SPOCD1: variants seen among roughly 807,000 people sequenced by gnomAD.
SPOCD1 encodes SPOC domain containing 1, also known as SPOC domain-containing protein 1.
SPOCD1 carries 64 observed loss-of-function variants against 92.2 expected under a neutral mutation model. The observed-to-expected ratio is 0.69, with a 90% CI of 0.57 to 0.86. The LOEUF is 0.86. SPOCD1 is among the 40% of genes least tolerant of loss of function. The probability of loss-of-function intolerance (pLI) is 0.00; values close to 1 mark genes in which losing one functional copy is unlikely to be tolerated. For synonymous variants in SPOCD1, 578 were observed against 619.3 expected, an observed-to-expected ratio of 0.93 and a Z score of 0.99; for missense variants, 1,360 against 1,543.1, an observed-to-expected ratio of 0.88 and a Z score of 1.99.
At chr1:31,799,728 G>A (rs1469288210) in intron 6 of SPOCD1, 81 bp downstream of exon 6, 1 of 1,496,706 alleles carries the variant, frequency 6.7e-7, no homozygotes, top group South Asian at 1.1e-5. Context: ...AGCAGGGGCT[G>A]GGCCCAGGAG....
intron 9 of SPOCD1, among the ~76,000 whole-genome samples, chr1:31,797,933 C>T (rs962100367): frequency 3.9e-5 from 6 of 152,146 alleles, no homozygotes; most frequent in African/African-American, 1.2e-4. Context: ...CTCTCCCAAG[C>T]CCCCCACCCC....
chr1:31,812,402 T>C (rs1460418743), intron 2 of SPOCD1, among the ~76,000 whole-genome samples: 1 of 152,088 alleles, frequency 6.6e-6, no homozygotes, highest in Non-Finnish European at 1.5e-5. Context: ...GATGCAGGGC[T>C]CAGGAAAAGA....
At chr1:31,815,695 G>C (rs986050811) in intron 1 of SPOCD1, 1 of 154,758 alleles carries the variant, frequency 6.5e-6, no homozygotes, top group Admixed American at 7.0e-5. Flanking sequence ...ATTTCATACT[G>C]GCAGCCACAG....
At chr1:31,809,023 T>C (rs1183444703) in intron 2 of SPOCD1, among the ~76,000 whole-genome samples, 2 of 152,136 alleles carry the variant, frequency 1.3e-5, no homozygotes, top group Non-Finnish European at 2.9e-5. Flanking sequence ...ACTCCGTCTC[T>C]ACTAAAAATA....
chr1:31,801,676 C>T lies in SPOCD1; in HGVS notation c.1413G>A (p.Lys471=). The part of the protein sequence containing the change: ...LEEVKIPHGV[K]LVCYLGSGPV... ...TGTAAAAACCTACGTAGCACACAAGCTTCACTCCATGGGGTATTTTCACTT... is the reference window on the plus strand; with the variant it reads ...TGTAAAAACCTACGTAGCACACAAGTTTCACTCCATGGGGTATTTTCACTT... The change falls in exon 3 of 16, where the codon AAG becomes AAA. Residue 471 remains lysine, a synonymous_variant. Coordinates refer to ENST00000360482, the MANE Select transcript of SPOCD1 (RefSeq NM_144569.7). 6.2e-7 allele frequency: 1 copy of T among 1,613,934 alleles called. No individual in the cohort carries two copies. The highest frequency in any genetic ancestry group is 2.2e-5 in the East Asian group (1 of 44,876).
Position 31,798,334 on chromosome 1 carries a change from C to T in SPOCD1, c.2029-11G>A, listed in dbSNP as rs760275131. On this transcript the variant is annotated splice_polypyrimidine_tract_variant and intron_variant, in intron 8 of 15. Transcript: ENST00000360482. This position sits in a 1 kb window ranked among gnomAD's most constrained non-coding sequence, Gnocchi z 4.1. ...TTTGAGAAACAAGTCCTGGTGGGGG[C>T]AGGGGGCAGGGCTGCACCACACGCT... 11 of 1,608,458 alleles carry T rather than the reference C, an allele frequency of 6.8e-6. No homozygotes were observed. In the South Asian group the frequency reaches 1.1e-4, roughly 16 times the overall value.
intron 2 of SPOCD1, among the ~76,000 whole-genome samples, chr1:31,813,710 A>G (rs1330866485): frequency 6.6e-6 from 1 of 152,224 alleles, no homozygotes; most frequent in Admixed American, 6.5e-5. Context: ...GGCAGAGGCA[A>G]AATTCGAACC....
chr1:31,791,199 C>T lies in SPOCD1; in HGVS notation c.3055G>A (p.Gly1019Arg). Residue 1019 changes from glycine (G) to arginine (R), a missense_variant, in exon 16 of 16, where the codon GGG (glycine) becomes AGG (arginine). This residue lies in a region of SPOCD1 where 614 missense variants were observed against 757.8 expected (regional missense o/e 0.81). Coordinates refer to ENST00000360482, the MANE Select transcript of SPOCD1 (RefSeq NM_144569.7). The stretch of plus-strand genomic sequence containing the variant: ...CTGGACCCTGCTGTGTCTGGAAGCC[C>T]TTCCTTGGGGAGCAGCACAGCCAGC... ...LLLAVLLPKEGLPDTAGSSPW... is the reference protein window; with the variant it reads ...LLLAVLLPKERLPDTAGSSPW... 1.2e-6 allele frequency: 2 copies of T among 1,610,384 alleles called. No individual in the cohort carries two copies.
Position 31,792,334 on chromosome 1 carries a change from G to C in SPOCD1, c.2843C>G (p.Ser948Ter). 6.2e-7 allele frequency: 1 copy of C among 1,614,064 alleles called. No individual in the cohort carries two copies. The highest frequency in any genetic ancestry group is 8.5e-7 in the Non-Finnish European group (1 of 1,180,028). The change falls in exon 15 of 16, where the codon TCA becomes TGA. Residue 948 changes from serine (S) to a stop codon, truncating the protein, a stop_gained. Coordinates refer to ENST00000360482, the MANE Select transcript of SPOCD1 (RefSeq NM_144569.7). LOFTEE classifies it high-confidence loss of function. ...GTGGCGCTGCCTATCATTGAGGTATGAGTAGAGCAGGCGGCAGTTCTGGGT... is the reference window on the plus strand; with the variant it reads ...GTGGCGCTGCCTATCATTGAGGTATCAGTAGAGCAGGCGGCAGTTCTGGGT... ...RDTQNCRLLY[S>*]YLNDRQRHGL...
At chr1:31,804,985 C>CTTTTTTTTTT (rs1207433481) in intron 2 of SPOCD1, among the ~76,000 whole-genome samples, 38,413 of 102,864 alleles carry the variant, frequency 0.37, 8,030 homozygotes, top group Non-Finnish European at 0.45. Flanking sequence ...TTCTTTCTTT[C>CTTTTTTTTTT]TTTTTTTTTT....
intron 2 of SPOCD1, among the ~76,000 whole-genome samples, chr1:31,808,292 T>C (rs572182858): frequency 1.3e-5 from 2 of 151,952 alleles, no homozygotes; most frequent in South Asian, 4.1e-4. Flanking sequence ...CCAAATTGGG[T>C]TTGTTCCAGC....
chr1:31,790,983 T>TG lies in SPOCD1; in HGVS notation c.3270dup (p.Arg1091GlnfsTer11). The TG allele has an allele frequency of 6.3e-7, 1 of 1,581,588 alleles. No homozygotes were observed. ...TCTGGCCAGAGCCTCCCCCTGCCTC[T>TG]GGGGGGCCTCTGCCAAGCAGAGATT... On this transcript the variant is annotated frameshift_variant, in exon 16 of 16. Transcript: ENST00000360482. LOFTEE classifies it low-confidence loss of function (END_TRUNC).
intron 2 of SPOCD1, among the ~76,000 whole-genome samples, chr1:31,809,479 G>A (rs963197273): frequency 1.3e-5 from 2 of 151,304 alleles, no homozygotes; most frequent in African/African-American, 4.9e-5. Flanking sequence ...TACCCCATAT[G>A]TACCAAAAAC....
At chr1:31,792,797 C>T (rs754222549) in intron 13 of SPOCD1, 30 bp from the exon 14 acceptor site, 2 of 1,536,624 alleles carry the variant, frequency 1.3e-6, no homozygotes, top group Non-Finnish European at 8.9e-7. Flanking sequence ...CCAGTCAGCT[C>T]CCCAGCTTCC....
At chr1:31,796,103 G>A (rs369158848) in intron 10 of SPOCD1, 24 of 244,340 alleles carry the variant, frequency 9.8e-5, no homozygotes, top group Non-Finnish European at 1.7e-4. Context: ...TGTCACTCCC[G>A]TTGGCTTCCC....
Position 31,799,877 on chromosome 1 carries a change from G to T in SPOCD1, c.1729-14C>A, listed in dbSNP as rs376730207. On this transcript the variant is annotated splice_polypyrimidine_tract_variant and intron_variant, in intron 5 of 15. Transcript: ENST00000360482. ...CATTGGGCCACTCTGTAGGGGAGGC[G>T]TGAGGAATTGAGGCTGTGCTGGTGG... 6.2e-7 allele frequency: 1 copy of T among 1,614,114 alleles called. No individual in the cohort carries two copies. Among genetic ancestry groups the T allele is most frequent in the Non-Finnish European group, 8.5e-7 (1 of 1,179,994 alleles).
At position 31,814,487 on chromosome 1, in the gene SPOCD1, C is replaced by G; in HGVS notation, c.847G>C (p.Glu283Gln). 1 of 1,568,232 alleles carries G rather than the reference C, an allele frequency of 6.4e-7. No homozygotes were observed. The highest frequency in any genetic ancestry group is 1.2e-5 in the South Asian group (1 of 84,722). Residue 283 changes from glutamate to glutamine, a missense_variant, in exon 2 of 16, where the codon GAG becomes CAG. This residue lies in a region of SPOCD1 where 606 missense variants were observed against 601.5 expected (regional missense o/e 1.01). Coordinates refer to ENST00000360482, the MANE Select transcript of SPOCD1 (RefSeq NM_144569.7). This position sits in a 1 kb window ranked among gnomAD's most constrained non-coding sequence, Gnocchi z 4.2. ...GSGAGCASGT[E>Q]KFGYLPATGD... ...GTAGCGGGCAAATATCCAAATTTCT[C>G]AGTCCCTGAGGCACATCCTGCCCCA...
Position 31,799,999 on chromosome 1 carries a change from G to C in SPOCD1, c.1728+17C>G. 4 of 1,611,276 alleles carry C rather than the reference G, an allele frequency of 2.5e-6. No individual in the cohort carries two copies. The highest frequency in any genetic ancestry group is 3.4e-6 in the Non-Finnish European group (4 of 1,178,536). ...GCTCCAGTGAAGGAGGCACATGGCC[G>C]GGGCAGAACAACTTGCCTGGGAACA... On this transcript the variant is annotated intron_variant, in intron 5 of 15. Transcript: ENST00000360482.
intron 10 of SPOCD1, chr1:31,795,183 T>C (rs1427470409): frequency 2.0e-5 from 3 of 152,242 alleles, no homozygotes; most frequent in African/African-American, 7.2e-5. Context: ...TCACTTTTTT[T>C]CCTCATACTA....
Sources: allele counts gnomAD v4.1 joint callset (sites outside exome capture counted in the v4.1 genomes callset), GRCh38; gene constraint gnomAD v4.1.1; regional missense constraint gnomAD v4.1.1; non-coding constraint Gnocchi (gnomAD v3.1); transcripts MANE v1.5; gene names NCBI Gene and HGNC (gene_info 2026-07-23, HGNC 2026-07-21).